The following XYLT1 variants were observed in gnomAD, a reference collection of about 807,000 sequenced individuals.
XYLT1 encodes xylosyltransferase 1, also known as beta-D-xylosyltransferase 1.
Under a neutral mutation model 91.3 loss-of-function variants are expected in XYLT1, and 36 were observed. The observed-to-expected ratio is 0.39, with a 90% CI of 0.30 to 0.52. The LOEUF is 0.52. Ranked by LOEUF, XYLT1 falls within the 20% of genes least tolerant of loss-of-function variation. XYLT1 has a pLI of 0.68. For synonymous variants in XYLT1, 588 were observed against 532.0 expected (o/e 1.11, Z -1.45); for missense variants, 1,242 against 1,284.5 (o/e 0.97, Z 0.51).
rs769835425 is a variant in XYLT1, at chr16:17,127,707, C to T, written c.2182G>A (p.Ala728Thr). The T allele has an allele frequency of 4.3e-6, 7 of 1,614,092 alleles. No individual in the cohort carries two copies. The highest frequency in any genetic ancestry group is 1.7e-5 in the Admixed American group (1 of 59,996). The part of the protein sequence containing the change: ...WVMPKKVFKI[A>T]SPPSDFGRLQ... ...CTCCCAAAGTCACTGGGTGGGCTTG[C>T]GATCTTGAAGACTTTTTTCGGCATC... The change falls in exon 10 of 12, where the codon GCA becomes ACA. Residue 728 changes from alanine (A) to threonine (T), a missense_variant. By Grantham distance (58) the Ala-to-Thr change is moderately conservative. Transcript: ENST00000261381.
At chr16:17,325,444 T>C (rs2034786354) in intron 2 of XYLT1, among the ~76,000 whole-genome samples, 1 of 152,128 alleles carries the variant, frequency 6.6e-6, no homozygotes, top group South Asian at 2.1e-4. Flanking sequence ...CTTTTGCAAT[T>C]TGATCATCAA....
chr16:17,301,130 G>T (rs1237376848), intron 2 of XYLT1, among the ~76,000 whole-genome samples: 1 of 152,106 alleles, frequency 6.6e-6, no homozygotes, highest in Non-Finnish European at 1.5e-5. Context: ...AAAATCTTAG[G>T]CTGGGCACAG....
At chr16:17,304,499 G>T (rs948739936) in intron 2 of XYLT1, among the ~76,000 whole-genome samples, 4 of 152,044 alleles carry the variant, frequency 2.6e-5, no homozygotes, top group African/African-American at 7.3e-5. Flanking sequence ...CCGCGCAGGG[G>T]AGGGTGTTAA....
Position 17,206,233 on chromosome 16 carries a change from C to T in XYLT1, c.914-5579G>A, listed in dbSNP as rs114214096. Among the ~76,000 whole-genome samples the T allele has an allele frequency of 8.1e-3, 1,237 of 152,060 alleles. 20 individuals are homozygous for T. Among genetic ancestry groups the T allele is most frequent in the African/African-American group, 0.028 (1,169 of 41,470 alleles). On this transcript the variant is annotated intron_variant, in intron 3 of 11. Transcript: ENST00000261381. ...CGGCAGCAGGCGCGTTGCAGAGGAG[C>T]GGGATTCGTCTTACTGGGGGAGAAA...
chr16:17,138,493 G>T lies in XYLT1; in HGVS notation c.1626C>A (p.Cys542Ter). ...FHTVLENSPH[C>*]DTMVDNNLRI... Reference sequence around the variant, plus strand: ...GCAGGTTGTTGTCCACCATGGTGTCGCAGTGGGGGCTGTTCTCCAGGACCG... The same window carrying T: ...GCAGGTTGTTGTCCACCATGGTGTCTCAGTGGGGGCTGTTCTCCAGGACCG... Residue 542 changes from cysteine to a stop codon, truncating the protein, a stop_gained, in exon 8 of 12, where the codon TGC becomes TGA. Coordinates refer to ENST00000261381, the MANE Select transcript of XYLT1 (RefSeq NM_022166.4). LOFTEE classifies it high-confidence loss of function. The T allele has an allele frequency of 6.2e-7, 1 of 1,614,092 alleles. No individual in the cohort carries two copies. The highest frequency in any genetic ancestry group is 8.5e-7 in the Non-Finnish European group (1 of 1,180,018).
At chr16:17,244,430 ATGTTTTAGAGGCTGTCAAGGTCC>A (rs1364453099) in intron 3 of XYLT1, among the ~76,000 whole-genome samples, 1 of 152,176 alleles carries the variant, frequency 6.6e-6, no homozygotes, top group Non-Finnish European at 1.5e-5. Context: ...GAAGATGAGG[ATGTTTTAGAGGCTGTCAAGGTCC>A]TGTTGGTGAC....
chr16:17,463,528 C>T (rs2036848714), intron 1 of XYLT1, among the ~76,000 whole-genome samples: 1 of 152,200 alleles, frequency 6.6e-6, no homozygotes, highest in African/African-American at 2.4e-5. Context: ...GAGATATCAT[C>T]TCACCCCACC....
At chr16:17,139,984 G>C (rs149025080) in intron 7 of XYLT1, among the ~76,000 whole-genome samples, 1 of 152,084 alleles carries the variant, frequency 6.6e-6, no homozygotes, top group Non-Finnish European at 1.5e-5. Flanking sequence ...ATGTGGTCCC[G>C]GGAAGGAACA....
At chr16:17,207,933 C>A (rs541924906) in intron 3 of XYLT1, among the ~76,000 whole-genome samples, 242 of 152,282 alleles carry the variant, frequency 1.6e-3, no homozygotes, top group African/African-American at 5.7e-3. Flanking sequence ...TTGGGAAGCC[C>A]TCCCTGACTC....
At chr16:17,188,741 T>C (rs1164589853) in intron 5 of XYLT1, among the ~76,000 whole-genome samples, 1 of 152,250 alleles carries the variant, frequency 6.6e-6, no homozygotes, top group African/African-American at 2.4e-5. Context: ...ATCACATGGA[T>C]AACCCTCACT....
intron 3 of XYLT1, among the ~76,000 whole-genome samples, chr16:17,207,052 C>CTTTTTTTTTT (rs1211378641): frequency 2.0e-4 from 24 of 121,084 alleles, no homozygotes; most frequent in African/African-American, 3.1e-4. Flanking sequence ...TCTTTTCTTT[C>CTTTTTTTTTT]TTTTTTTTTT....
chr16:17,437,895 G>A (rs534955821), intron 1 of XYLT1, among the ~76,000 whole-genome samples: 1 of 152,140 alleles, frequency 6.6e-6, no homozygotes, highest in African/African-American at 2.4e-5. Flanking sequence ...GTTGCCGCAC[G>A]GTGCAGTCAG....
At chr16:17,196,671 CAG>C (rs1274830006) in intron 5 of XYLT1, among the ~76,000 whole-genome samples, 2 of 152,162 alleles carry the variant, frequency 1.3e-5, no homozygotes, top group South Asian at 2.1e-4. Context: ...CTCATGCCAT[CAG>C]AGGGAGGAAG....
intron 1 of XYLT1, among the ~76,000 whole-genome samples, chr16:17,409,877 A>T (rs12926840): frequency 0.15 from 22,998 of 152,044 alleles, 2,013 homozygotes; most frequent in Middle Eastern, 0.26. Flanking sequence ...TGTGTGTATG[A>T]CCGAGTTTTA....
chr16:17,388,139 T>A (rs1202510355), intron 1 of XYLT1, among the ~76,000 whole-genome samples: 1 of 152,162 alleles, frequency 6.6e-6, no homozygotes, highest in African/African-American at 2.4e-5. Flanking sequence ...TTAGGCAAAA[T>A]CATCTAATAC....
At chr16:17,251,835 G>T (rs2033544314) in intron 3 of XYLT1, among the ~76,000 whole-genome samples, 1 of 152,170 alleles carries the variant, frequency 6.6e-6, no homozygotes, top group African/African-American at 2.4e-5. Flanking sequence ...CTGGGGAAGA[G>T]GTGGTCCTGG....
intron 6 of XYLT1, among the ~76,000 whole-genome samples, chr16:17,146,487 A>G (rs987729494): frequency 6.6e-6 from 1 of 152,170 alleles, no homozygotes; most frequent in East Asian, 1.9e-4. Context: ...TTAGATCCCT[A>G]CAGGGCGGTC....
intron 5 of XYLT1, among the ~76,000 whole-genome samples, chr16:17,173,631 T>C (rs1326525372): frequency 6.6e-6 from 1 of 152,266 alleles, no homozygotes; most frequent in Non-Finnish European, 1.5e-5. Context: ...GCCAGGTTCC[T>C]GGAATGGAAT....
At chr16:17,439,547 G>C (rs1384620965) in intron 1 of XYLT1, among the ~76,000 whole-genome samples, 3 of 152,124 alleles carry the variant, frequency 2.0e-5, no homozygotes, top group South Asian at 4.1e-4. Context: ...ACTTATACCT[G>C]CATCCCAAAT....
Sources: gnomAD v4.1 joint callset for allele counts (sites outside exome capture counted in the v4.1 genomes callset) on GRCh38, gnomAD v4.1.1 for gene constraint, MANE v1.5 for transcripts, NCBI Gene and HGNC (gene_info 2026-07-23, HGNC 2026-07-21) for gene names.